TMCC1: variants seen among roughly 807,000 people sequenced by gnomAD.
TMCC1 encodes transmembrane and coiled-coil domains protein 1.
TMCC1 carries 15 observed loss-of-function variants against 52.4 expected under a neutral mutation model. The observed-to-expected ratio is 0.29, with a 90% CI of 0.19 to 0.44. The LOEUF is 0.44. TMCC1 is among the 20% of genes least tolerant of loss of function. The pLI, the probability that TMCC1 is intolerant of heterozygous loss-of-function variation, is 1.00. For synonymous variants in TMCC1, 279 were observed against 301.9 expected, an observed-to-expected ratio of 0.92 and a Z score of 0.79; for missense variants, 503 against 806.0, an observed-to-expected ratio of 0.62 and a Z score of 4.55.
At chr3:129,677,949 CAG>C (rs1276160064) in intron 4 of TMCC1, among the ~76,000 whole-genome samples, 3 of 152,206 alleles carry the variant, frequency 2.0e-5, no homozygotes, top group Non-Finnish European at 4.4e-5. Context: ...GTTTTTGAGA[CAG>C]AGTCTCGCTC....
intron 2 of TMCC1, among the ~76,000 whole-genome samples, chr3:129,858,655 A>G (rs1045849212): frequency 3.3e-5 from 5 of 152,180 alleles, no homozygotes; most frequent in African/African-American, 1.2e-4. Flanking sequence ...TACAGGCATG[A>G]GCCACCACAC....
chr3:129,818,250 A>AT (rs939074783), intron 4 of TMCC1, among the ~76,000 whole-genome samples: 4 of 151,992 alleles, frequency 2.6e-5, no homozygotes, highest in African/African-American at 9.7e-5. Context: ...GCTGGGAATT[A>AT]TTTTTTAAGA....
At chr3:129,807,561 A>G (rs1200803899) in intron 4 of TMCC1, among the ~76,000 whole-genome samples, 1 of 152,138 alleles carries the variant, frequency 6.6e-6, no homozygotes, top group East Asian at 1.9e-4. Context: ...CCATCATTGT[A>G]CAACTTCAGG....
At chr3:129,865,754 C>T (rs2060594588) in intron 2 of TMCC1, among the ~76,000 whole-genome samples, 1 of 152,030 alleles carries the variant, frequency 6.6e-6, no homozygotes, top group Non-Finnish European at 1.5e-5. Flanking sequence ...AAAGAAAACC[C>T]CAAGTTTTGT....
intron 4 of TMCC1, among the ~76,000 whole-genome samples, chr3:129,822,049 T>A (rs1007358507): frequency 6.6e-6 from 1 of 152,048 alleles, no homozygotes; most frequent in East Asian, 1.9e-4. Context: ...GGTGACAGAG[T>A]GAGACCCTGT....
intron 4 of TMCC1, among the ~76,000 whole-genome samples, chr3:129,773,346 T>C (rs1279914813): frequency 1.3e-5 from 2 of 152,174 alleles, no homozygotes; most frequent in Non-Finnish European, 2.9e-5. Context: ...GGGTAGAGGA[T>C]AAATATATTT....
chr3:129,892,242 G>A (rs1290860081), intron 1 of TMCC1, among the ~76,000 whole-genome samples: 1 of 152,156 alleles, frequency 6.6e-6, no homozygotes, highest in Admixed American at 6.5e-5. Context: ...GAAATTAAAA[G>A]GTTACCACCC....
intron 4 of TMCC1, among the ~76,000 whole-genome samples, chr3:129,820,677 A>C (rs2058372163): frequency 6.6e-6 from 1 of 152,204 alleles, no homozygotes; most frequent in South Asian, 2.1e-4. Context: ...GTGTTAAAGA[A>C]AGGCTCAAAA....
At chr3:129,779,999 A>G (rs2055387488) in intron 4 of TMCC1, among the ~76,000 whole-genome samples, 1 of 152,128 alleles carries the variant, frequency 6.6e-6, no homozygotes. Context: ...ATTTGACTTT[A>G]CTGCCTCATC....
intron 2 of TMCC1, among the ~76,000 whole-genome samples, chr3:129,863,653 G>A (rs1184055949): frequency 6.6e-6 from 1 of 152,132 alleles, no homozygotes; most frequent in Non-Finnish European, 1.5e-5. Context: ...CCTGAGGTCA[G>A]GAGTTCAAGA....
At chr3:129,840,026 GA>G (rs34763615) in intron 2 of TMCC1, among the ~76,000 whole-genome samples, 1 of 147,334 alleles carries the variant, frequency 6.8e-6, no homozygotes, top group Non-Finnish European at 1.5e-5. Flanking sequence ...GACTGGGGGA[GA>G]AAAAAAAAAG....
chr3:129,662,543 C>T (rs1381723560), intron 5 of TMCC1, among the ~76,000 whole-genome samples: 3 of 152,142 alleles, frequency 2.0e-5, no homozygotes, highest in Non-Finnish European at 4.4e-5. Context: ...GAAGCTGAGG[C>T]ACGACAATTG....
At chr3:129,808,190 T>C (rs2057575863) in intron 4 of TMCC1, among the ~76,000 whole-genome samples, 1 of 151,772 alleles carries the variant, frequency 6.6e-6, no homozygotes, top group Admixed American at 6.6e-5. Flanking sequence ...TAAAAATATA[T>C]ATATAAATAA....
intron 4 of TMCC1, among the ~76,000 whole-genome samples, chr3:129,806,196 G>T (rs1299338536): frequency 3.3e-5 from 5 of 152,138 alleles, no homozygotes; most frequent in Non-Finnish European, 5.9e-5. Context: ...AACGCGGAGG[G>T]TTGAACAGAC....
chr3:129,661,482 C>T (rs1396748116), intron 5 of TMCC1, among the ~76,000 whole-genome samples: 1 of 151,992 alleles, frequency 6.6e-6, no homozygotes, highest in Admixed American at 6.5e-5. Context: ...TGCAGTGACT[C>T]CCTAGTTAGT....
intron 4 of TMCC1, among the ~76,000 whole-genome samples, chr3:129,696,104 C>T (rs765520212): frequency 1.3e-5 from 2 of 152,120 alleles, no homozygotes; most frequent in Admixed American, 6.5e-5. Flanking sequence ...TCTTCCAGGC[C>T]CTCCCAATCC....
intron 4 of TMCC1, among the ~76,000 whole-genome samples, chr3:129,721,704 CAAAAAAA>C (rs765601986): frequency 7.9e-5 from 6 of 76,058 alleles, no homozygotes; most frequent in Non-Finnish European, 1.8e-4. Flanking sequence ...ACTAAAAATA[CAAAAAAA>C]AAAAAAAAAA....
intron 2 of TMCC1, among the ~76,000 whole-genome samples, chr3:129,879,519 A>G (rs1420665834): frequency 6.6e-6 from 1 of 152,198 alleles, no homozygotes; most frequent in Non-Finnish European, 1.5e-5. Context: ...CTACAACGCA[A>G]TAACAATCCT....
At chr3:129,683,162 A>C (rs1161121489) in intron 4 of TMCC1, among the ~76,000 whole-genome samples, 2 of 152,218 alleles carry the variant, frequency 1.3e-5, no homozygotes, top group African/African-American at 4.8e-5. Context: ...GCAGCTTCTA[A>C]GTTCTACTGT....
Sources: allele counts gnomAD v4.1 joint callset (sites outside exome capture counted in the v4.1 genomes callset), GRCh38; gene constraint gnomAD v4.1.1; transcripts MANE v1.5; gene names NCBI Gene and HGNC (gene_info 2026-07-23, HGNC 2026-07-21).